PLEK2: variants seen among roughly 807,000 people sequenced by gnomAD.
PLEK2 encodes the protein pleckstrin 2, also known as pleckstrin-2.
Under a neutral mutation model 43.8 loss-of-function variants are expected in PLEK2, and 29 were observed. That is an observed-to-expected ratio of 0.66 (90% CI 0.49 to 0.90). The LOEUF (loss-of-function observed/expected upper bound fraction) is 0.90, where lower values mean the gene tolerates loss of function less well. Ranked by LOEUF, PLEK2 falls within the 40% of genes least tolerant of loss-of-function variation. The pLI is 0.00. For synonymous variants in PLEK2, 162 were observed against 173.2 expected, an observed-to-expected ratio of 0.94 and a Z score of 0.51; for missense variants, 398 against 448.1, an observed-to-expected ratio of 0.89 and a Z score of 1.01.
In PLEK2 at chr14:67,397,794, C is replaced by T; in HGVS notation, c.75G>A (p.Trp25Ter). 2 of 1,612,666 alleles carry T rather than the reference C, an allele frequency of 1.2e-6. No homozygotes were observed. Among genetic ancestry groups the T allele is most frequent in the Non-Finnish European group, 1.7e-6 (2 of 1,179,372 alleles). The change falls in exon 2 of 9, where the codon TGG becomes TGA. Residue 25 changes from tryptophan to a stop codon, truncating the protein, a stop_gained. Transcript: ENST00000216446. LOFTEE classifies it high-confidence loss of function. ...CCAGCGTGTTCTGCCGAAGGATGAA[C>T]CATCGCGCCTTCCAGTTGTGGACAA... The part of the protein sequence containing the change: ...GHIVHNWKAR[W>*]FILRQNTLVY...
At chr14:67,387,545 G>T in intron 8 of PLEK2, 89 bp from the exon 9 acceptor site, 1 of 1,283,724 alleles carries the variant, frequency 7.8e-7, no homozygotes, top group Non-Finnish European at 1.1e-6. Context: ...CTGAGACATG[G>T]ACAAAAACAT....
chr14:67,387,230 C>A lies in PLEK2; in HGVS notation c.*99G>T. ...ATTCACTCTCCAAAGCAGTACAAAA[C>A]TTACAAAGAAGTCAAAAGTCTTAAC... On this transcript the variant is annotated 3_prime_UTR_variant, in exon 9 of 9. Transcript: ENST00000216446. The A allele has an allele frequency of 8.3e-7, 1 of 1,211,154 alleles. No homozygotes were observed. The highest frequency in any genetic ancestry group is 1.1e-6 in the Non-Finnish European group (1 of 869,744). 75.0% of individuals were successfully genotyped at this position (1,211,154 alleles called of 1,614,324 possible). A position where few individuals can be genotyped will look rare whatever the true frequency, so the allele number is the denominator to read the frequency against.
chr14:67,405,201 G>C (rs529202674), intron 1 of PLEK2, among the ~76,000 whole-genome samples: 2 of 145,590 alleles, frequency 1.4e-5, no homozygotes, highest in South Asian at 4.4e-4. Flanking sequence ...CTCCAGCCTG[G>C]GCGACAGAGC....
chr14:67,406,989 G>A (rs984717214), intron 1 of PLEK2, among the ~76,000 whole-genome samples: 2 of 152,140 alleles, frequency 1.3e-5, no homozygotes, highest in Non-Finnish European at 2.9e-5. Flanking sequence ...GGGGTGCTTG[G>A]AGTTCCCTGG....
Position 67,390,686 on chromosome 14 carries a change from G to A in PLEK2, c.832C>T (p.Leu278=). 6.2e-7 allele frequency: 1 copy of A among 1,613,516 alleles called. No homozygotes were observed. The highest frequency in any genetic ancestry group is 8.5e-7 in the Non-Finnish European group (1 of 1,179,438). Residue 278 remains leucine, a synonymous_variant, in exon 7 of 9, where the codon CTG becomes TTG. Transcript: ENST00000216446. ...RFVLRKDPAF[L]HYYDPSKEEN... The stretch of plus-strand genomic sequence containing the variant: ...ACTTTGGAAGGGTCATAGTAATGCA[G>A]GAAAGCTGGATCCTTCCTTAGAACA...
intron 7 of PLEK2, among the ~76,000 whole-genome samples, chr14:67,388,706 G>T (rs1041086632): frequency 1.3e-5 from 2 of 152,034 alleles, no homozygotes. Flanking sequence ...TTGAGACGGA[G>T]TCTCACTCTG....
intron 1 of PLEK2, among the ~76,000 whole-genome samples, chr14:67,403,815 G>T (rs1393076943): frequency 2.0e-5 from 3 of 152,218 alleles, no homozygotes; most frequent in Admixed American, 2.0e-4. Context: ...ACTTTGGGAG[G>T]CCAAGGAGAG....
Position 67,395,564 on chromosome 14 carries a change from G to T in PLEK2, c.227C>A (p.Thr76Asn). The change falls in exon 3 of 9, where the codon ACT (threonine) becomes AAT (asparagine). Residue 76 changes from threonine (T) to asparagine (N), a missense_variant. Transcript: ENST00000216446. The stretch of plus-strand genomic sequence containing the variant: ...CAGGAAGTACTCCGTGGATGTTTGA[G>T]TCTTCAGCTTAATGAGGAGCTGTGG... ...ENRPLLIKLK[T>N]QTSTEYFLEA... The T allele has an allele frequency of 6.2e-7, 1 of 1,614,168 alleles. No homozygotes were observed.
At chr14:67,388,144 C>T (rs1231367408) in intron 8 of PLEK2, 80 bp downstream of exon 8, 1 of 889,932 alleles carries the variant, frequency 1.1e-6, no homozygotes, top group African/African-American at 1.6e-5. Flanking sequence ...CCAAAGCTGT[C>T]ATTTCATTAG....
chr14:67,409,240 C>A (rs2086100931), intron 1 of PLEK2, among the ~76,000 whole-genome samples: 1 of 151,520 alleles, frequency 6.6e-6, no homozygotes, highest in South Asian at 2.1e-4. Context: ...GAGACCCTCT[C>A]TAAACAAAAT....
chr14:67,407,631 A>G (rs1210314059), intron 1 of PLEK2, among the ~76,000 whole-genome samples: 1 of 151,650 alleles, frequency 6.6e-6, no homozygotes, highest in Non-Finnish European at 1.5e-5. Flanking sequence ...TGTAGAGATG[A>G]GTTCTCATTT....
intron 7 of PLEK2, among the ~76,000 whole-genome samples, chr14:67,388,678 G>A (rs1245469613): frequency 6.6e-6 from 1 of 152,080 alleles, no homozygotes; most frequent in East Asian, 1.9e-4. Flanking sequence ...TATATTTATA[G>A]TAATCATTTC....
At chr14:67,390,610 T>C in intron 7 of PLEK2, 53 bp downstream of exon 7, 2 of 1,217,052 alleles carry the variant, frequency 1.6e-6, no homozygotes. Context: ...AGGAGAGGAG[T>C]GTCTGGGGGC....
intron 3 of PLEK2, among the ~76,000 whole-genome samples, chr14:67,395,146 G>A (rs539434547): frequency 1.2e-4 from 18 of 152,320 alleles, no homozygotes; most frequent in African/African-American, 4.1e-4. Flanking sequence ...ATGGAATGGG[G>A]GTCTTGTGTC....
intron 1 of PLEK2, among the ~76,000 whole-genome samples, chr14:67,411,350 G>A (rs1263567951): frequency 3.9e-5 from 6 of 152,030 alleles, no homozygotes; most frequent in Admixed American, 3.9e-4. Flanking sequence ...TACTGGCTCT[G>A]GAGCTCTGGG....
At chr14:67,388,071 A>T (rs1595653864) in intron 8 of PLEK2, 153 bp downstream of exon 8, 2 of 589,562 alleles carry the variant, frequency 3.4e-6, no homozygotes, top group East Asian at 5.6e-5. Flanking sequence ...CCCTTTGTTC[A>T]ATTCTGAAAT....
intron 3 of PLEK2, among the ~76,000 whole-genome samples, chr14:67,394,442 T>G (rs543528016): frequency 2.0e-5 from 3 of 152,232 alleles, no homozygotes; most frequent in Admixed American, 1.3e-4. Context: ...GTAGCCCACA[T>G]GGTTCTCTGT....
chr14:67,390,591 C>T (rs1322547176), intron 7 of PLEK2, 72 bp downstream of exon 7: 15 of 1,080,166 alleles, frequency 1.4e-5, no homozygotes, highest in Middle Eastern at 2.7e-4. Context: ...GCCAGCTGCC[C>T]GCCATGCCAG....
chr14:67,390,344 G>A (rs2085957283), intron 7 of PLEK2, among the ~76,000 whole-genome samples: 1 of 152,152 alleles, frequency 6.6e-6, no homozygotes. Context: ...AGGAGTCTCT[G>A]TCAGCCTACC....
Sources: allele counts gnomAD v4.1 joint callset (sites outside exome capture counted in the v4.1 genomes callset), GRCh38; gene constraint gnomAD v4.1.1; transcripts MANE v1.5; gene names NCBI Gene and HGNC (gene_info 2026-07-23, HGNC 2026-07-21).